FHIT: variants seen among roughly 807,000 people sequenced by gnomAD.
The protein encoded by FHIT is fragile histidine triad diadenosine triphosphatase.
In FHIT, 19 loss-of-function variants were observed where a neutral mutation model predicts 17.9. The observed-to-expected ratio is 1.06, with a 90% CI of 0.74 to 1.56. FHIT has a LOEUF of 1.56. Among genes scored for constraint, FHIT ranks in the 40% most tolerant of loss-of-function variants. The probability of loss-of-function intolerance (pLI) is 0.00; values close to 1 mark genes in which losing one functional copy is unlikely to be tolerated. For synonymous variants in FHIT, 81 were observed against 69.7 expected (o/e 1.16, Z -0.81); for missense variants, 248 against 189.2 (o/e 1.31, Z -1.82).
intron 2 of FHIT, among the ~76,000 whole-genome samples, chr3:61,187,122 A>G (rs569783740): frequency 6.6e-6 from 1 of 152,220 alleles, no homozygotes; most frequent in African/African-American, 2.4e-5. Context: ...TGAATGCATC[A>G]GTCAGTCATG....
intron 5 of FHIT, among the ~76,000 whole-genome samples, chr3:60,149,145 G>A (rs1467659329): frequency 1.3e-5 from 2 of 152,170 alleles, no homozygotes; most frequent in African/African-American, 2.4e-5. Context: ...AACCACTGGT[G>A]TCAGAAATTA....
At chr3:60,060,246 C>A (rs974742876) in intron 5 of FHIT, among the ~76,000 whole-genome samples, 1 of 151,858 alleles carries the variant, frequency 6.6e-6, no homozygotes, top group African/African-American at 2.4e-5. Flanking sequence ...CAAAAAGTTT[C>A]TCTGTAAAGA....
At chr3:59,899,608 C>T (rs1265595005) in intron 8 of FHIT, among the ~76,000 whole-genome samples, 2 of 151,688 alleles carry the variant, frequency 1.3e-5, no homozygotes, top group African/African-American at 2.4e-5. Context: ...CCGAGGCGGA[C>T]GGATTGCCTG....
intron 1 of FHIT, among the ~76,000 whole-genome samples, chr3:61,228,450 T>C (rs1034429531): frequency 6.6e-6 from 1 of 152,234 alleles, no homozygotes; most frequent in African/African-American, 2.4e-5. Flanking sequence ...AATTTACTAC[T>C]CTTTATCCAA....
intron 2 of FHIT, among the ~76,000 whole-genome samples, chr3:61,065,360 G>A (rs1391006926): frequency 6.6e-6 from 1 of 151,966 alleles, no homozygotes; most frequent in Non-Finnish European, 1.5e-5. Context: ...TGCAAATATA[G>A]ATGGTGTGTT....
intron 1 of FHIT, among the ~76,000 whole-genome samples, chr3:61,203,721 T>C (rs577061821): frequency 2.6e-5 from 4 of 152,178 alleles, no homozygotes; most frequent in Non-Finnish European, 5.9e-5. Context: ...CACAATCATA[T>C]GGAATAAAGA....
At chr3:60,253,316 A>G (rs1705822721) in intron 5 of FHIT, among the ~76,000 whole-genome samples, 2 of 152,236 alleles carry the variant, frequency 1.3e-5, no homozygotes, top group African/African-American at 2.4e-5. Flanking sequence ...AGGAGAAAAT[A>G]TATGGATGGA....
At chr3:60,219,881 C>A (rs143331207) in intron 5 of FHIT, among the ~76,000 whole-genome samples, 1 of 152,096 alleles carries the variant, frequency 6.6e-6, no homozygotes, top group Admixed American at 6.6e-5. Flanking sequence ...AAGATTCAGA[C>A]GCTACTCAAC....
chr3:60,097,083 T>C (rs925044747), intron 5 of FHIT, among the ~76,000 whole-genome samples: 4 of 149,776 alleles, frequency 2.7e-5, no homozygotes, highest in Admixed American at 6.6e-5. Context: ...AGGGTCTCCA[T>C]GTAGAGTACC....
intron 5 of FHIT, among the ~76,000 whole-genome samples, chr3:60,050,299 A>C (rs1701819933): frequency 1.3e-5 from 2 of 152,178 alleles, no homozygotes; most frequent in South Asian, 4.1e-4. Context: ...TTATAATTAA[A>C]TTCCTTAAAT....
intron 7 of FHIT, among the ~76,000 whole-genome samples, chr3:59,941,730 G>A (rs780585872): frequency 2.0e-4 from 31 of 152,130 alleles, no homozygotes; most frequent in Non-Finnish European, 2.8e-4. Context: ...CTGCAAGGGC[G>A]TCAAGGGACC....
chr3:61,004,242 T>C (rs757849954), intron 3 of FHIT, among the ~76,000 whole-genome samples: 2 of 152,120 alleles, frequency 1.3e-5, no homozygotes, highest in Non-Finnish European at 2.9e-5. Flanking sequence ...ATGGCAAAAA[T>C]GGCCTGAGTG....
At chr3:61,048,896 G>A (rs1397185195) in intron 2 of FHIT, among the ~76,000 whole-genome samples, 1 of 151,948 alleles carries the variant, frequency 6.6e-6, no homozygotes, top group African/African-American at 2.4e-5. Context: ...AAAACCGCAT[G>A]TTCTCACTCA....
intron 1 of FHIT, among the ~76,000 whole-genome samples, chr3:61,242,291 C>CA (rs972326510): frequency 5.9e-4 from 87 of 147,652 alleles, no homozygotes; most frequent in Non-Finnish European, 7.7e-4. Flanking sequence ...AAAACAACAA[C>CA]AAAAAAAAAA....
At chr3:59,758,243 AC>A (rs1395092007) in intron 8 of FHIT, among the ~76,000 whole-genome samples, 1 of 152,226 alleles carries the variant, frequency 6.6e-6, no homozygotes, top group Non-Finnish European at 1.5e-5. Context: ...TGATGCGAGT[AC>A]CAGTTCCCCA....
chr3:61,163,195 G>C (rs2037745113), intron 2 of FHIT, among the ~76,000 whole-genome samples: 1 of 151,944 alleles, frequency 6.6e-6, no homozygotes, highest in Non-Finnish European at 1.5e-5. Flanking sequence ...CTCAGATTTG[G>C]GCACAATTAT....
intron 3 of FHIT, among the ~76,000 whole-genome samples, chr3:60,861,224 T>TATCATATCATATCATATATGATAC (rs1553752450): frequency 3.1e-5 from 1 of 32,534 alleles, no homozygotes; most frequent in Non-Finnish European, 7.1e-5. Context: ...ATATATGATA[T>TATCATATCATATCATATATGATAC]ATATGATATA....
At chr3:60,222,152 T>C (rs1703992133) in intron 5 of FHIT, among the ~76,000 whole-genome samples, 1 of 152,282 alleles carries the variant, frequency 6.6e-6, no homozygotes, top group Middle Eastern at 3.4e-3. Context: ...TGTATTCAAA[T>C]CAACTCTTTG....
At chr3:60,262,781 A>G (rs1348117129) in intron 5 of FHIT, among the ~76,000 whole-genome samples, 1 of 151,860 alleles carries the variant, frequency 6.6e-6, no homozygotes, top group South Asian at 2.1e-4. Flanking sequence ...TTACCTAAAG[A>G]GTTAACCAAA....
Sources: gnomAD v4.1 joint callset for allele counts (sites outside exome capture counted in the v4.1 genomes callset) on GRCh38, gnomAD v4.1.1 for gene constraint, MANE v1.5 for transcripts, NCBI Gene and HGNC (gene_info 2026-07-23, HGNC 2026-07-21) for gene names.